Variants in OR7C1 observed in about 807,000 individuals in gnomAD.
OR7C1 encodes olfactory receptor family 7 subfamily C member 1, also known as olfactory receptor 7C1.
For missense variants in OR7C1, 324 were observed against 383.3 expected, an observed-to-expected ratio of 0.85 and a Z score of 1.29; for synonymous variants, 152 against 160.7, an observed-to-expected ratio of 0.95 and a Z score of 0.41.
intron 1 of OR7C1, among the ~76,000 whole-genome samples, chr19:14,832,196 C>T (rs1440494821): frequency 6.6e-6 from 1 of 152,120 alleles, no homozygotes; most frequent in African/African-American, 2.4e-5. Context: ...AGGCATGAGT[C>T]ACCTCGCTTG....
At chr19:14,805,022 C>T (rs968194871) in intron 2 of OR7C1, among the ~76,000 whole-genome samples, 1 of 151,802 alleles carries the variant, frequency 6.6e-6, no homozygotes, top group African/African-American at 2.4e-5. Flanking sequence ...CAAGAATGCA[C>T]CGTCACACCC....
intron 1 of OR7C1, among the ~76,000 whole-genome samples, chr19:14,817,425 A>G (rs1176072873): frequency 6.6e-6 from 1 of 152,222 alleles, no homozygotes; most frequent in African/African-American, 2.4e-5. Context: ...AAATCTGGCT[A>G]GAGGACCTAT....
At position 14,818,053 on chromosome 19, in the gene OR7C1, TTTTA is replaced by T. The variant is rs144535441; in HGVS notation, c.-622-8064_-622-8061del. 1.6e-3 allele frequency among the ~76,000 whole-genome samples: 195 copies of T among 123,210 alleles called. 2 individuals carry two copies. The Middle Eastern group carries it at 0.016, about 10-fold the overall frequency. The allele number at this position is 123,210 out of a possible 152,430, so 80.8% of individuals were successfully genotyped here. A position where few individuals can be genotyped will look rare whatever the true frequency, so the allele number is the denominator to read the frequency against. The stretch of plus-strand genomic sequence containing the variant: ...GCCACAGCAGTTAATAAGTCATACA[TTTTA>T]TTTATTTTATTTATTTATTTATTTA... On this transcript the variant is annotated intron_variant, in intron 1 of 4. Coordinates refer to ENST00000641666, the Ensembl canonical transcript of OR7C1.
chr19:14,803,415 C>A (rs2044651667), intron 2 of OR7C1, among the ~76,000 whole-genome samples: 1 of 151,208 alleles, frequency 6.6e-6, no homozygotes, highest in Non-Finnish European at 1.5e-5. Context: ...CAGATGGGGT[C>A]TTTGCGGGTC....
chr19:14,799,365 C>T, exon 5 of OR7C1: 1 of 1,614,138 alleles, frequency 6.2e-7, no homozygotes, highest in Non-Finnish European at 8.5e-7. Flanking sequence ...CTGAGATAGA[C>T]CCCAAAGCCC....
intron 1 of OR7C1, among the ~76,000 whole-genome samples, chr19:14,810,546 A>ATTT (rs71168507): frequency 1.2e-4 from 16 of 137,240 alleles, no homozygotes; most frequent in Non-Finnish European, 2.4e-4. Flanking sequence ...TGCCCGGCTA[A>ATTT]TTTTTTTTTT....
chr19:14,815,439 A>G (rs141832374), intron 1 of OR7C1, among the ~76,000 whole-genome samples: 22 of 152,338 alleles, frequency 1.4e-4, no homozygotes, highest in African/African-American at 5.1e-4. Flanking sequence ...ATGTATGTCT[A>G]GCCAACCCAT....
chr19:14,828,968 T>G (rs2044804377), intron 1 of OR7C1, among the ~76,000 whole-genome samples: 1 of 151,630 alleles, frequency 6.6e-6, no homozygotes, highest in African/African-American at 2.4e-5. Flanking sequence ...TCACATAATA[T>G]GTCAGATGGG....
At chr19:14,827,090 G>T (rs964592452) in intron 1 of OR7C1, 4 of 480,784 alleles carry the variant, frequency 8.3e-6, no homozygotes, top group Non-Finnish European at 1.4e-5. Context: ...ACAACAAAGA[G>T]AAAAAACTGT....
At chr19:14,820,395 T>G (rs2044735183) in intron 1 of OR7C1, among the ~76,000 whole-genome samples, 1 of 76,648 alleles carries the variant, frequency 1.3e-5, no homozygotes. Flanking sequence ...TGGGGGCCTG[T>G]TGGGGGGTCG....
At chr19:14,828,881 A>C (rs906360558) in intron 1 of OR7C1, among the ~76,000 whole-genome samples, 1 of 152,100 alleles carries the variant, frequency 6.6e-6, no homozygotes, top group Non-Finnish European at 1.5e-5. Context: ...AATGCTGAGA[A>C]ACAAAAGTCC....
chr19:14,806,037 T>C (rs573735548), intron 2 of OR7C1, among the ~76,000 whole-genome samples: 10 of 151,960 alleles, frequency 6.6e-5, no homozygotes, highest in African/African-American at 2.2e-4. Flanking sequence ...CTAACTATGA[T>C]GGTATTATAC....
intron 1 of OR7C1, among the ~76,000 whole-genome samples, chr19:14,817,581 T>A (rs1051371530): frequency 3.3e-5 from 5 of 152,140 alleles, no homozygotes; most frequent in Non-Finnish European, 5.9e-5. Flanking sequence ...GCAGGTTTCA[T>A]GGGAAAGGTT....
intron 1 of OR7C1, among the ~76,000 whole-genome samples, chr19:14,812,604 C>T (rs891738149): frequency 4.0e-5 from 6 of 151,712 alleles, no homozygotes; most frequent in African/African-American, 1.2e-4. Flanking sequence ...ATTTCTCACT[C>T]GGGGAGCATG....
chr19:14,819,036 C>CT (rs2044729391), intron 1 of OR7C1, among the ~76,000 whole-genome samples: 1 of 151,982 alleles, frequency 6.6e-6, no homozygotes, highest in Non-Finnish European at 1.5e-5. Context: ...TTAGGTATAT[C>CT]TCCCCCCTCC....
intron 1 of OR7C1, chr19:14,824,650 T>C (rs372676901): frequency 7.9e-5 from 12 of 152,352 alleles, no homozygotes; most frequent in African/African-American, 2.9e-4. Flanking sequence ...AATGATTCCA[T>C]GTCTTTGCTA....
intron 2 of OR7C1, among the ~76,000 whole-genome samples, chr19:14,809,379 G>C (rs1321414998): frequency 6.6e-6 from 1 of 151,936 alleles, no homozygotes; most frequent in East Asian, 1.9e-4. Flanking sequence ...GCTGCAGGAA[G>C]AGAGTGGCCC....
chr19:14,827,530 A>G lies in OR7C1; in HGVS notation c.-623+7544T>C, dbSNP rs1174056439. On this transcript the variant is annotated intron_variant, in intron 1 of 4. Transcript: ENST00000641666. ...GAGAGGTGAGATGCACAGGTGGAAA[A>G]TGCCTTGTACTTCCCCTGAGCTGAT... 1 of 1,614,042 alleles carries G rather than the reference A, an allele frequency of 6.2e-7. No homozygotes were observed. The highest frequency in any genetic ancestry group is 1.3e-5 in the African/African-American group (1 of 74,900).
intron 1 of OR7C1, among the ~76,000 whole-genome samples, chr19:14,832,754 G>A (rs111472662): frequency 0.018 from 2,665 of 151,992 alleles, 74 homozygotes; most frequent in African/African-American, 0.061. Flanking sequence ...AAGATGTGAC[G>A]ATGTATGCAT....
Sources: gnomAD v4.1 joint callset for allele counts (sites outside exome capture counted in the v4.1 genomes callset) on GRCh38, gnomAD v4.1.1 for gene constraint, MANE v1.5 for transcripts, NCBI Gene and HGNC (gene_info 2026-07-23, HGNC 2026-07-21) for gene names.